PRSS54: variants seen among roughly 807,000 people sequenced by gnomAD.
PRSS54 encodes the protein serine protease 54, also known as inactive serine protease 54.
Under a neutral mutation model 19.9 loss-of-function variants are expected in PRSS54, and 16 were observed. The ratio of observed to expected loss-of-function variants is 0.80; its 90% confidence interval spans 0.54 to 1.22. PRSS54 has a LOEUF of 1.22. PRSS54 is among the 50% of genes most tolerant of loss of function. The pLI is 0.00. For missense variants in PRSS54, 444 were observed against 494.8 expected (o/e 0.90, Z 0.97); for synonymous variants, 177 against 195.8 (o/e 0.90, Z 0.80).
chr16:58,291,568 A>G (rs546609702), intron 3 of PRSS54, among the ~76,000 whole-genome samples: 25 of 151,426 alleles, frequency 1.7e-4, no homozygotes, highest in African/African-American at 5.6e-4. Flanking sequence ...TGTGGCCTCA[A>G]CCTCCCGGGT....
chr16:58,280,417 C>G lies in PRSS54; in HGVS notation c.995G>C (p.Ser332Thr). ...TACATCCTTCTCCCTAACATCTAGA[C>G]TATCTCTAGAGCTGTTTCCTAGTCG... is the stretch of plus-strand genomic sequence containing the variant. ...HSRLGNSSRD[S>T]LDVREKDVKE... The change falls in exon 7 of 7, where the codon AGT becomes ACT. Residue 332 changes from serine to threonine, a missense_variant. Ser to Thr is a moderately conservative substitution (Grantham distance 58). Coordinates refer to ENST00000567164, the MANE Select transcript of PRSS54 (RefSeq NM_001305173.2). 1 of 1,613,940 alleles carries G rather than the reference C, an allele frequency of 6.2e-7. No homozygotes were observed. The highest frequency in any genetic ancestry group is 8.5e-7 in the Non-Finnish European group (1 of 1,179,816).
At chr16:58,284,835 G>A in intron 5 of PRSS54, 114 bp from the exon 6 acceptor site, 2 of 1,083,408 alleles carry the variant, frequency 1.8e-6, no homozygotes, top group Non-Finnish European at 1.3e-6. Flanking sequence ...TTTTTTTTGA[G>A]TTGGAGTCTT....
chr16:58,282,576 G>T (rs1333478738), intron 6 of PRSS54: 1 of 152,402 alleles, frequency 6.6e-6, no homozygotes, highest in Admixed American at 6.5e-5. Flanking sequence ...TGATTCCCTG[G>T]TGATCTCTCA....
Position 58,294,041 on chromosome 16 carries a change from G to C in PRSS54, c.-63C>G. 1.8e-6 allele frequency: 1 copy of C among 553,610 alleles called. No individual in the cohort carries two copies. The highest frequency in any genetic ancestry group is 3.2e-6 in the Non-Finnish European group (1 of 308,088). 34.3% of individuals were successfully genotyped at this position (553,610 alleles called of 1,614,324 possible). On this transcript the variant is annotated 5_prime_UTR_variant, in exon 2 of 7. Transcript: ENST00000567164. ...GTAAAGAGGCAGGACCAGTTGGCCCGCACTGTGGTTTGTGAGATGGCCAGA... is the reference window on the plus strand; with the variant it reads ...GTAAAGAGGCAGGACCAGTTGGCCCCCACTGTGGTTTGTGAGATGGCCAGA...
chr16:58,289,617 G>GCTC (rs1329540858), intron 4 of PRSS54, among the ~76,000 whole-genome samples: 3 of 151,696 alleles, frequency 2.0e-5, no homozygotes, highest in African/African-American at 7.3e-5. Context: ...TGTCACCCAG[G>GCTC]CTGGAGTGCA....
rs1382555699 is a variant in PRSS54 at position 58,295,025 on chromosome 16, T to C, written c.-370A>G. 2.0e-5 allele frequency: 3 copies of C among 152,856 alleles called. No individual in the cohort carries two copies. Among genetic ancestry groups the C allele is most frequent in the Admixed American group, 2.0e-4 (3 of 15,308 alleles). 9.5% of individuals were successfully genotyped at this position (152,856 alleles called of 1,614,324 possible). A position where few individuals can be genotyped will look rare whatever the true frequency, so the allele number is the denominator to read the frequency against. ...AGTTCAACAGAAGGATTTCTTCTAC[T>C]GCCTTGGGAAGAATGTTCCATTGTG... On this transcript the variant is annotated 5_prime_UTR_variant, in exon 1 of 7. Coordinates refer to ENST00000567164, the MANE Select transcript of PRSS54 (RefSeq NM_001305173.2).
intron 6 of PRSS54, chr16:58,283,710 C>T (rs1964841286): frequency 6.6e-6 from 1 of 152,186 alleles, no homozygotes; most frequent in South Asian, 2.1e-4. Flanking sequence ...TAAGATCCCC[C>T]ACCTGGCAGA....
In PRSS54 at chr16:58,280,622, T is replaced by A. The variant is rs1964696953; in HGVS notation, c.790A>T (p.Ile264Phe). ...YTKVEDYSKW[I>F]TSKAERAGPP... ...CCGGCCCTCTCAGCCTTGGATGTGA[T>A]CCATTTGCTGTAGTCTTCCACCTTG... The change falls in exon 7 of 7, where the codon ATC becomes TTC. Residue 264 changes from isoleucine to phenylalanine, a missense_variant. Ile to Phe is a conservative substitution (Grantham distance 21, BLOSUM62 0). Coordinates refer to ENST00000567164, the MANE Select transcript of PRSS54 (RefSeq NM_001305173.2). 1 of 1,614,132 alleles carries A rather than the reference T, an allele frequency of 6.2e-7. No individual in the cohort carries two copies. Among genetic ancestry groups the A allele is most frequent in the Non-Finnish European group, 8.5e-7 (1 of 1,180,036 alleles).
chr16:58,286,505 T>G (rs1368801021), intron 4 of PRSS54, among the ~76,000 whole-genome samples: 1 of 152,198 alleles, frequency 6.6e-6, no homozygotes, highest in Admixed American at 6.5e-5. Context: ...AGTTTTTTTT[T>G]TTTTTACATA....
chr16:58,282,830 G>C (rs964406444), intron 6 of PRSS54: 1 of 152,258 alleles, frequency 6.6e-6, no homozygotes, highest in Non-Finnish European at 1.5e-5. Context: ...GCCAGAGCAA[G>C]AAAAAGAATG....
chr16:58,294,035 T>C lies in PRSS54; in HGVS notation c.-57A>G. On this transcript the variant is annotated 5_prime_UTR_variant, in exon 2 of 7. Transcript: ENST00000567164. ...TGTGTGGTAAAGAGGCAGGACCAGT[T>C]GGCCCGCACTGTGGTTTGTGAGATG... is the stretch of plus-strand genomic sequence containing the variant. 1 of 566,294 alleles carries C rather than the reference T, an allele frequency of 1.8e-6. No individual in the cohort carries two copies. Among genetic ancestry groups the C allele is most frequent in the Admixed American group, 3.0e-5 (1 of 33,300 alleles). The allele number at this position is 566,294 out of a possible 1,614,324, so 35.1% of individuals were successfully genotyped here. A position where few individuals can be genotyped will look rare whatever the true frequency, so the allele number is the denominator to read the frequency against.
intron 3 of PRSS54, among the ~76,000 whole-genome samples, chr16:58,293,015 G>A (rs1965068823): frequency 6.6e-6 from 1 of 152,126 alleles, no homozygotes; most frequent in South Asian, 2.1e-4. Flanking sequence ...GAGGGAGCTG[G>A]AGGACTCCCC....
Position 58,286,174 on chromosome 16 carries a change from C to A in PRSS54, c.285G>T (p.Val95=). The A allele has an allele frequency of 6.2e-7, 1 of 1,614,108 alleles. No homozygotes were observed. The highest frequency in any genetic ancestry group is 1.1e-5 in the South Asian group (1 of 91,064). Reference sequence around the variant, plus strand: ...TGCTAGGATCCATGTTACTTATACCCACTATAACGACAATGTCCTTCCTGG... The same window carrying A: ...TGCTAGGATCCATGTTACTTATACCAACTATAACGACAATGTCCTTCCTGG... ...IQNRKDIVVI[V]GISNMDPSKI... The change falls in exon 5 of 7, where the codon GTG becomes GTT. Residue 95 remains valine (V), a synonymous_variant. Transcript: ENST00000567164.
In PRSS54 at chr16:58,284,654, A is replaced by G; in HGVS notation, c.590T>C (p.Leu197Pro). 6.2e-7 allele frequency: 1 copy of G among 1,614,040 alleles called. No homozygotes were observed. The highest frequency in any genetic ancestry group is 8.5e-7 in the Non-Finnish European group (1 of 1,179,978). The change falls in exon 6 of 7, where the codon CTA becomes CCA. Residue 197 changes from leucine to proline, a missense_variant. By Grantham distance (98) the Leu-to-Pro change is moderately conservative. Transcript: ENST00000567164. ...GCATTCTGTCTTCTGGAGTTTGTAT[A>G]GGGGACACATGTCAAGATCTTTCAC... ...IFVKDLDMCP[L>P]YKLQKTECGS...
Position 58,291,077 on chromosome 16 carries a change from T to C in PRSS54, c.145A>G (p.Ser49Gly). 1 of 1,614,230 alleles carries C rather than the reference T, an allele frequency of 6.2e-7. No individual in the cohort carries two copies. The change falls in exon 4 of 7, where the codon AGC becomes GGC. Residue 49 changes from serine (S) to glycine (G), a missense_variant. By Grantham distance (56) the Ser-to-Gly change is moderately conservative. Coordinates refer to ENST00000567164, the MANE Select transcript of PRSS54 (RefSeq NM_001305173.2). ...ACCACCCACGGGAACTCCATGCTGC[T>C]GACCAAGCCCTCCTTGGGGTCAGGA... Reference protein sequence around the residue: ...YGPDPKEGLVSSMEFPWVVSL... With the variant: ...YGPDPKEGLVGSMEFPWVVSL...
At chr16:58,280,904 C>G (rs1372945185) in intron 6 of PRSS54, 147 bp from the exon 7 acceptor site, 18 of 706,708 alleles carry the variant, frequency 2.5e-5, no homozygotes, top group African/African-American at 7.1e-5. Flanking sequence ...AATTTCAAAT[C>G]TAGGCAGCCA....
intron 6 of PRSS54, chr16:58,281,041 A>C: frequency 5.4e-6 from 2 of 373,402 alleles, no homozygotes; most frequent in African/African-American, 2.0e-5. Context: ...CTTTGGCCAA[A>C]CCTTCCCTCT....
At position 58,286,003 on chromosome 16, in the gene PRSS54, G is replaced by A; in HGVS notation, c.456C>T (p.Gly152=). ...AGACTGGTGGTGTATGCAGCATTCT[G>A]CCGAGGAAGCAGATGGACTGGACCA... ...GNLVQSICFL[G]RMLHTPPVLQ... The change falls in exon 5 of 7, where the codon GGC becomes GGT. Residue 152 remains glycine (G), a synonymous_variant. Coordinates refer to ENST00000567164, the MANE Select transcript of PRSS54 (RefSeq NM_001305173.2). 1.9e-6 allele frequency: 3 copies of A among 1,614,192 alleles called. No homozygotes were observed. The South Asian group carries it at 3.3e-5, about 18-fold the overall frequency.
chr16:58,285,979 G>T lies in PRSS54; in HGVS notation c.480C>A (p.Val160=). ...FLGRMLHTPP[V]LQNCWVSGWN... ...ATCCTGACACCCAGCAGTTCTGCAAGACTGGTGGTGTATGCAGCATTCTGC... is the reference window on the plus strand; with the variant it reads ...ATCCTGACACCCAGCAGTTCTGCAATACTGGTGGTGTATGCAGCATTCTGC... Residue 160 remains valine, a synonymous_variant, in exon 5 of 7, where the codon GTC becomes GTA. Transcript: ENST00000567164. 6.2e-7 allele frequency: 1 copy of T among 1,614,204 alleles called. No homozygotes were observed. The highest frequency in any genetic ancestry group is 1.3e-5 in the African/African-American group (1 of 75,054).
Sources: allele counts gnomAD v4.1 joint callset (sites outside exome capture counted in the v4.1 genomes callset), GRCh38; gene constraint gnomAD v4.1.1; transcripts MANE v1.5; gene names NCBI Gene and HGNC (gene_info 2026-07-23, HGNC 2026-07-21).